Variants in FSTL5 observed in about 807,000 individuals in gnomAD.
The protein encoded by FSTL5 is follistatin-related protein 5.
Under a neutral mutation model 89.1 loss-of-function variants are expected in FSTL5, and 62 were observed. The ratio of observed to expected loss-of-function variants is 0.70; its 90% CI spans 0.57 to 0.86. FSTL5 has a LOEUF of 0.86. Among genes scored for constraint, FSTL5 ranks in the 40% least tolerant of loss-of-function variants. The probability of loss-of-function intolerance (pLI) is 0.00; values close to 1 mark genes in which losing one functional copy is unlikely to be tolerated. For missense variants in FSTL5, 1,057 were observed against 1,001.6 expected (o/e 1.06, Z -0.75); for synonymous variants, 383 against 346.2 (o/e 1.11, Z -1.18).
At chr4:161,750,419 T>G (rs1740356409) in intron 6 of FSTL5, among the ~76,000 whole-genome samples, 1 of 152,188 alleles carries the variant, frequency 6.6e-6, no homozygotes. Flanking sequence ...ATACACTTAA[T>G]GCTCATATTG....
intron 4 of FSTL5, among the ~76,000 whole-genome samples, chr4:161,918,857 G>A (rs937813438): frequency 6.6e-6 from 1 of 151,780 alleles, no homozygotes; most frequent in Non-Finnish European, 1.5e-5. Context: ...TGGCCAGGCT[G>A]GTTTTGAACT....
chr4:161,450,541 T>C (rs897305230), intron 15 of FSTL5, among the ~76,000 whole-genome samples: 3 of 152,178 alleles, frequency 2.0e-5, no homozygotes, highest in Non-Finnish European at 4.4e-5. Flanking sequence ...TTCAAGTATA[T>C]CTATTTACAT....
chr4:161,877,876 G>C (rs992557652), intron 4 of FSTL5, among the ~76,000 whole-genome samples: 4 of 151,066 alleles, frequency 2.6e-5, no homozygotes, highest in African/African-American at 9.7e-5. Flanking sequence ...GGATGGTCTC[G>C]ATCTCCTGAC....
intron 2 of FSTL5, among the ~76,000 whole-genome samples, chr4:162,040,550 G>C (rs1054916323): frequency 6.6e-6 from 1 of 151,844 alleles, no homozygotes; most frequent in Non-Finnish European, 1.5e-5. Flanking sequence ...AGGGGAGACA[G>C]TGGGCATAGA....
intron 3 of FSTL5, among the ~76,000 whole-genome samples, chr4:161,923,765 C>G (rs1293781302): frequency 1.3e-5 from 2 of 151,498 alleles, no homozygotes; most frequent in East Asian, 1.9e-4. Flanking sequence ...CAATATTTCC[C>G]ATATTTTCTC....
chr4:161,415,663 T>G (rs561430514), intron 15 of FSTL5, among the ~76,000 whole-genome samples: 268 of 148,572 alleles, frequency 1.8e-3, no homozygotes, highest in African/African-American at 4.3e-3. Flanking sequence ...CATATATATA[T>G]AGAGAGAGAG....
chr4:161,452,438 T>G (rs542066071), intron 15 of FSTL5, among the ~76,000 whole-genome samples: 1 of 151,424 alleles, frequency 6.6e-6, no homozygotes, highest in African/African-American at 2.4e-5. Flanking sequence ...ATCGTGCCAA[T>G]GTACTCCAGC....
chr4:161,581,223 G>A (rs1357676890), intron 8 of FSTL5, among the ~76,000 whole-genome samples: 1 of 152,172 alleles, frequency 6.6e-6, no homozygotes, highest in Non-Finnish European at 1.5e-5. Context: ...CCTACTTAGA[G>A]CTTCTGATTT....
At chr4:161,914,350 A>G (rs911746950) in intron 4 of FSTL5, among the ~76,000 whole-genome samples, 1 of 152,212 alleles carries the variant, frequency 6.6e-6, no homozygotes, top group Non-Finnish European at 1.5e-5. Context: ...AAGGATTTGA[A>G]TGTTAAAGTT....
At chr4:162,024,159 A>C (rs1351099899) in intron 3 of FSTL5, among the ~76,000 whole-genome samples, 1 of 152,186 alleles carries the variant, frequency 6.6e-6, no homozygotes, top group Non-Finnish European at 1.5e-5. Flanking sequence ...AAGGATATTC[A>C]CTAACACTTC....
chr4:162,065,644 A>C (rs534003516), intron 2 of FSTL5, among the ~76,000 whole-genome samples: 1 of 152,098 alleles, frequency 6.6e-6, no homozygotes, highest in South Asian at 2.1e-4. Context: ...TTATAGAAAA[A>C]GGTGTGAAGA....
rs563323010 is a variant in FSTL5 at position 161,931,408 on chromosome 4, A to C, written c.161-10756T>G. Among the ~76,000 whole-genome samples the C allele has an allele frequency of 2.6e-5, 4 of 152,020 alleles. 1 individual carries two copies. The East Asian group carries it at 7.8e-4, about 30-fold the overall frequency. On this transcript the variant is annotated intron_variant, in intron 3 of 15. Transcript: ENST00000306100. ...ATATAGTATAAGTTGGAAAGAGAAG[A>C]GACAAAGAGGGTAGTTTTGCACAAA...
intron 15 of FSTL5, among the ~76,000 whole-genome samples, chr4:161,398,383 G>A (rs1731073705): frequency 6.6e-6 from 1 of 151,934 alleles, no homozygotes; most frequent in African/African-American, 2.4e-5. Context: ...ATTTTAAATT[G>A]AATATATTCC....
At position 162,066,353 on chromosome 4, in the gene FSTL5, C is replaced by CT. The variant is rs58240935; in HGVS notation, c.127-32696dup. Among the ~76,000 whole-genome samples, 1,200 of 127,140 alleles carry CT rather than the reference C, an allele frequency of 9.4e-3. 27 individuals are homozygous for CT. The highest frequency in any genetic ancestry group is 0.019 in the African/African-American group (603 of 32,542). The allele number at this position is 127,140 out of a possible 152,430, so 83.4% of individuals were successfully genotyped here. On this transcript the variant is annotated intron_variant, in intron 2 of 15. Coordinates refer to ENST00000306100, the MANE Select transcript of FSTL5 (RefSeq NM_020116.5). ...TCTTCTTCTTCTTCTTCTTCTTCTT[C>CT]TCCTTCTTCTTCTTCTTCTCCTTCT...
intron 3 of FSTL5, among the ~76,000 whole-genome samples, chr4:161,941,117 T>C (rs899818880): frequency 2.0e-5 from 3 of 151,834 alleles, no homozygotes; most frequent in African/African-American, 7.2e-5. Context: ...AAGAGTTTAA[T>C]TTTTAAAACT....
intron 3 of FSTL5, among the ~76,000 whole-genome samples, chr4:161,980,477 CT>C (rs563250564): frequency 1.2e-4 from 18 of 150,874 alleles, no homozygotes; most frequent in African/African-American, 3.4e-4. Flanking sequence ...CAGCAGTTTG[CT>C]TTTTTTTTCC....
intron 2 of FSTL5, among the ~76,000 whole-genome samples, chr4:162,080,945 G>A (rs141710152): frequency 6.6e-5 from 10 of 151,662 alleles, no homozygotes; most frequent in Non-Finnish European, 1.5e-4. Context: ...AATAAGCTGC[G>A]TTGGTTTAAA....
chr4:161,953,985 TGA>T (rs1734963794), intron 3 of FSTL5, among the ~76,000 whole-genome samples: 6 of 151,614 alleles, frequency 4.0e-5, no homozygotes, highest in Admixed American at 4.0e-4. Context: ...CATAATATAC[TGA>T]GATATTATAT....
intron 12 of FSTL5, among the ~76,000 whole-genome samples, chr4:161,491,644 C>T (rs1437486850): frequency 6.6e-6 from 1 of 151,974 alleles, no homozygotes. Context: ...AGTTCAAGAC[C>T]CGCCTGGTCA....
Sources: gnomAD v4.1 joint callset for allele counts (sites outside exome capture counted in the v4.1 genomes callset) on GRCh38, gnomAD v4.1.1 for gene constraint, MANE v1.5 for transcripts, NCBI Gene and HGNC (gene_info 2026-07-23, HGNC 2026-07-21) for gene names.